F11R: variants seen among roughly 807,000 people sequenced by gnomAD.
The protein encoded by F11R is junctional adhesion molecule A.
In F11R, 27 loss-of-function variants were observed where a neutral mutation model predicts 39.3. That is an observed-to-expected ratio of 0.69 (90% confidence interval 0.51 to 0.95). F11R has a LOEUF of 0.95. F11R is among the 40% of genes least tolerant of loss of function. The probability of loss-of-function intolerance (pLI) is 0.00; values close to 1 mark genes in which losing one functional copy is unlikely to be tolerated. For missense variants in F11R, 335 were observed against 372.7 expected (o/e 0.90, Z 0.83); for synonymous variants, 131 against 144.9 (o/e 0.90, Z 0.69).
rs564530432 is a variant in F11R at position 161,008,887 on chromosome 1, T to A, written c.65-7534A>T. 4.6e-5 allele frequency among the ~76,000 whole-genome samples: 7 copies of A among 152,312 alleles called. No individual in the cohort carries two copies. The South Asian group carries it at 1.2e-3, about 27-fold the overall frequency. On this transcript the variant is annotated intron_variant, in intron 1 of 9. Transcript: ENST00000368026. Reference sequence around the variant, plus strand: ...ATAAAATCCAAATTTTTCTGCAAGCTAAGAAAGTTCCAATAATCCCTATAC... The same window carrying A: ...ATAAAATCCAAATTTTTCTGCAAGCAAAGAAAGTTCCAATAATCCCTATAC...
At chr1:160,999,124 C>G (rs1384978260) in intron 8 of F11R, 33 bp from the exon 9 acceptor site, 1 of 1,613,918 alleles carries the variant, frequency 6.2e-7, no homozygotes, top group Admixed American at 1.7e-5. Flanking sequence ...AGACACTCAG[C>G]CACCTAGGTG....
Position 160,996,752 on chromosome 1 carries a change from C to G in F11R, c.*2119G>C, listed in dbSNP as rs758590455. The G allele has an allele frequency of 6.6e-6, 1 of 152,124 alleles. No individual in the cohort carries two copies. The highest frequency in any genetic ancestry group is 1.5e-5 in the Non-Finnish European group (1 of 68,094). The allele number at this position is 152,124 out of a possible 1,614,324, so 9.4% of individuals were successfully genotyped here. ...CTGCACTCCAGCCTGGGTGACAGAGCGAGACTCCGTCTTTAAAAAAACAAA... is the reference window on the plus strand; with the variant it reads ...CTGCACTCCAGCCTGGGTGACAGAGGGAGACTCCGTCTTTAAAAAAACAAA... On this transcript the variant is annotated 3_prime_UTR_variant, in exon 10 of 10. Coordinates refer to ENST00000368026, the MANE Select transcript of F11R (RefSeq NM_016946.6).
At chr1:161,019,465 C>T (rs1387001162) in intron 1 of F11R, among the ~76,000 whole-genome samples, 1 of 151,774 alleles carries the variant, frequency 6.6e-6, no homozygotes, top group East Asian at 1.9e-4. Flanking sequence ...CGTGATGGTG[C>T]ATGCCTGTAA....
Position 161,001,349 on chromosome 1 carries a change from G to C in F11R, c.69C>G (p.Ser23=), listed in dbSNP as rs759616487. 9 of 1,613,690 alleles carry C rather than the reference G, an allele frequency of 5.6e-6. No individual in the cohort carries two copies. The highest frequency in any genetic ancestry group is 7.6e-6 in the Non-Finnish European group (9 of 1,179,808). The change falls in exon 2 of 10, where the codon TCC becomes TCG. Residue 23 remains serine (S), a synonymous_variant. Transcript: ENST00000368026. ...GCACTGTAACACTGCCCAATGCCAG[G>C]GAGCCTAAGGAGAAAGAAAGAGGTG... ...CLFILAILLC[S]LALGSVTVHS...
rs1046892894 is a variant in F11R at position 161,017,692 on chromosome 1, C to G, written c.64+3318G>C. ...CTCCATGTGCTGAACGCTGGTTCCC[C>G]GGGTCTCCTTATTTCTTTCTCTATA... On this transcript the variant is annotated intron_variant, in intron 1 of 9. Transcript: ENST00000368026. Among the ~76,000 whole-genome samples the G allele has an allele frequency of 2.0e-5, 3 of 152,164 alleles. No individual in the cohort carries two copies. In the East Asian group the frequency reaches 5.8e-4, roughly 29 times the overall value.
At chr1:161,002,627 A>G (rs1022669823) in intron 1 of F11R, 2 of 152,176 alleles carry the variant, frequency 1.3e-5, no homozygotes, top group Non-Finnish European at 2.9e-5. Context: ...TCTTAGATAA[A>G]TGTTTGTAGA....
chr1:160,999,373 C>T lies in F11R; in HGVS notation c.815+23G>A, dbSNP rs1191944545. The stretch of plus-strand genomic sequence containing the variant: ...CATCCATGCTCTCAAACTTGGAGAA[C>T]CCCAGGACAGCACCTCACTCACCCT... On this transcript the variant is annotated intron_variant, in intron 8 of 9. Coordinates refer to ENST00000368026, the MANE Select transcript of F11R (RefSeq NM_016946.6). 2.5e-6 allele frequency: 4 copies of T among 1,614,078 alleles called. No individual in the cohort carries two copies. The South Asian group carries it at 3.3e-5, about 13-fold the overall frequency.
intron 4 of F11R, 114 bp downstream of exon 4, chr1:161,000,517 C>G (rs1648416824): frequency 2.0e-6 from 3 of 1,501,282 alleles, no homozygotes; most frequent in Non-Finnish European, 2.7e-6. Context: ...AGCTCCAGGA[C>G]TCTGAATAGC....
chr1:161,010,540 C>T (rs1006226068), intron 1 of F11R, among the ~76,000 whole-genome samples: 3 of 151,030 alleles, frequency 2.0e-5, no homozygotes, highest in African/African-American at 7.3e-5. Context: ...AACTATTATG[C>T]TATATGTAGC....
Position 160,998,829 on chromosome 1 carries a change from G to C in F11R, c.*42C>G. The C allele has an allele frequency of 6.2e-7, 1 of 1,609,936 alleles. No homozygotes were observed. Among genetic ancestry groups the C allele is most frequent in the Non-Finnish European group, 8.5e-7 (1 of 1,176,164 alleles). On this transcript the variant is annotated 3_prime_UTR_variant, in exon 10 of 10. Transcript: ENST00000368026. ...CAGGGGCCAGAGTCCGGTAGCACCT[G>C]AGTAAGGCAAATGCAGATGATAGGC...
chr1:160,998,872 C>T lies in F11R; in HGVS notation c.899G>A (p.Ter300=). 6.2e-7 allele frequency: 1 copy of T among 1,614,186 alleles called. No individual in the cohort carries two copies. The highest frequency in any genetic ancestry group is 8.5e-7 in the Non-Finnish European group (1 of 1,180,012). ...EFKQTSSFLV[*] Reference sequence around the variant, plus strand: ...TGATAGGCGGTGAGCCGACCAGGCTCACACCAGGAATGACGAGGTCTGTTT... The same window carrying T: ...TGATAGGCGGTGAGCCGACCAGGCTTACACCAGGAATGACGAGGTCTGTTT... The change falls in exon 10 of 10, where the codon TGA becomes TAA. Residue 300 remains the stop codon, a stop_retained_variant. Coordinates refer to ENST00000368026, the MANE Select transcript of F11R (RefSeq NM_016946.6).
At chr1:161,015,150 AT>A (rs1649384523) in intron 1 of F11R, among the ~76,000 whole-genome samples, 1 of 151,586 alleles carries the variant, frequency 6.6e-6, no homozygotes, top group Non-Finnish European at 1.5e-5. Flanking sequence ...TAATCCCAGC[AT>A]TTTGGGAGGC....
chr1:161,019,452 G>C (rs747928364), intron 1 of F11R, among the ~76,000 whole-genome samples: 1 of 151,914 alleles, frequency 6.6e-6, no homozygotes, highest in Non-Finnish European at 1.5e-5. Flanking sequence ...AAAATTAGCC[G>C]GGCGTGATGG....
In F11R at chr1:161,000,631, C is replaced by T. The variant is rs779234583; in HGVS notation, c.388G>A (p.Val130Met). ...GEVKVKLIVLVPPSKPTVNIP... is the reference protein window; with the variant it reads ...GEVKVKLIVLMPPSKPTVNIP... ...CACCCAGAAGACATGGGGCACGTAC[C>T]AAGCACGATGAGCTTGACCTTGACC... The change falls in exon 4 of 10, where the codon GTG becomes ATG. Residue 130 changes from valine to methionine, a missense_variant and splice_region_variant. By Grantham distance (21) the Val-to-Met change is conservative. Transcript: ENST00000368026. 6.2e-7 allele frequency: 1 copy of T among 1,614,182 alleles called. No individual in the cohort carries two copies. Among genetic ancestry groups the T allele is most frequent in the Admixed American group, 1.7e-5 (1 of 60,022 alleles).
intron 1 of F11R, among the ~76,000 whole-genome samples, chr1:161,009,159 T>A (rs1648989442): frequency 6.6e-6 from 1 of 152,156 alleles, no homozygotes. Context: ...GCAGCAGTAT[T>A]CATCCACATT....
intron 8 of F11R, 49 bp from the exon 9 acceptor site, chr1:160,999,140 T>G (rs1648311243): frequency 6.2e-7 from 1 of 1,612,014 alleles, no homozygotes; most frequent in Non-Finnish European, 8.5e-7. Flanking sequence ...AGGTGCTTAT[T>G]AACCTCCCCT....
rs563452002 is a variant in F11R at position 161,000,195 on chromosome 1, C to G, written c.542G>C (p.Arg181Pro). 6.2e-6 allele frequency: 10 copies of G among 1,613,968 alleles called. No individual in the cohort carries two copies. The Admixed American group carries it at 1.3e-4, about 22-fold the overall frequency. ...GACATAGGAAGAGTTGCTGAAGGCA[C>G]GGGTGCTTTTGGGATTCGTAGGCAT... ...IVMPTNPKST[R>P]AFSNSSYVLN... The change falls in exon 5 of 10, where the codon CGT (arginine) becomes CCT (proline). Residue 181 changes from arginine (R) to proline (P), a missense_variant. Physicochemically the swap from Arg to Pro is moderately radical, Grantham distance 103. Transcript: ENST00000368026.
rs1284055117 is a variant in F11R, at chr1:160,998,856, G to A, written c.*15C>T. ...GTAAGGCAAATGCAGATGATAGGCG[G>A]TGAGCCGACCAGGCTCACACCAGGA... On this transcript the variant is annotated 3_prime_UTR_variant, in exon 10 of 10. Transcript: ENST00000368026. The A allele has an allele frequency of 6.2e-7, 1 of 1,614,012 alleles. No individual in the cohort carries two copies. Among genetic ancestry groups the A allele is most frequent in the African/African-American group, 1.3e-5 (1 of 75,058 alleles).
In F11R at chr1:160,997,253, C is replaced by T. The variant is rs1249667898; in HGVS notation, c.*1618G>A. ...CTTCTGAATTCCACCCCACTAAATA[C>T]AGTAGCAGTTACTACTTTAAACTAC... is the stretch of plus-strand genomic sequence containing the variant. On this transcript the variant is annotated 3_prime_UTR_variant, in exon 10 of 10. Coordinates refer to ENST00000368026, the MANE Select transcript of F11R (RefSeq NM_016946.6). The T allele has an allele frequency of 6.6e-6, 1 of 152,386 alleles. No homozygotes were observed. The highest frequency in any genetic ancestry group is 1.5e-5 in the Non-Finnish European group (1 of 68,052). 9.4% of individuals were successfully genotyped at this position (152,386 alleles called of 1,614,324 possible).
Sources: gnomAD v4.1 joint callset for allele counts (sites outside exome capture counted in the v4.1 genomes callset) on GRCh38, gnomAD v4.1.1 for gene constraint, MANE v1.5 for transcripts, NCBI Gene and HGNC (gene_info 2026-07-23, HGNC 2026-07-21) for gene names.